Variants in HACE1 observed in about 807,000 individuals in gnomAD.
HACE1 encodes the protein HECT domain and ankyrin repeat containing E3 ubiquitin protein ligase 1, also known as E3 ubiquitin-protein ligase HACE1.
Under a neutral mutation model 118.4 loss-of-function variants are expected in HACE1, and 73 were observed. That is an observed-to-expected ratio of 0.62 (90% confidence interval 0.51 to 0.75). The LOEUF is 0.75. Among genes scored for constraint, HACE1 ranks in the 30% least tolerant of loss-of-function variants. HACE1 has a pLI of 0.00. For synonymous variants in HACE1, 368 were observed against 374.8 expected (o/e 0.98, Z 0.21); for missense variants, 749 against 1,102.2 (o/e 0.68, Z 4.54).
chr6:104,857,737 C>G (rs886151683), intron 1 of HACE1, among the ~76,000 whole-genome samples: 4 of 151,466 alleles, frequency 2.6e-5, no homozygotes, highest in Non-Finnish European at 5.9e-5. Context: ...GCGGGCAGAT[C>G]ACGAGGTCAG....
At chr6:104,762,349 C>T (rs1480637055) in intron 19 of HACE1, among the ~76,000 whole-genome samples, 2 of 152,170 alleles carry the variant, frequency 1.3e-5, no homozygotes, top group African/African-American at 2.4e-5. Flanking sequence ...CACATATACA[C>T]CATGAAATAC....
chr6:104,757,200 G>A (rs191243159), intron 19 of HACE1, among the ~76,000 whole-genome samples: 69 of 152,356 alleles, frequency 4.5e-4, no homozygotes, highest in Middle Eastern at 6.8e-3. Context: ...TGACAGCTCT[G>A]AAGAGAGCAG....
At chr6:104,781,392 T>C (rs1316180130) in intron 14 of HACE1, among the ~76,000 whole-genome samples, 1 of 152,172 alleles carries the variant, frequency 6.6e-6, no homozygotes, top group Admixed American at 6.5e-5. Context: ...ATACTTTCCC[T>C]GATCTAGCCC....
chr6:104,788,432 G>A (rs914518536), intron 11 of HACE1, among the ~76,000 whole-genome samples: 2 of 151,974 alleles, frequency 1.3e-5, no homozygotes, highest in African/African-American at 4.8e-5. Context: ...CTTACTGAAC[G>A]ATTTTTTAAA....
At position 104,850,997 on chromosome 6, in the gene HACE1, C is replaced by A; in HGVS notation, c.132-1G>T. ...ATTTGATAGTAGTTCAGAAACAGAC[C>A]TATGCCAAAATAAAAATGAGGAATC... On this transcript the variant is annotated splice_acceptor_variant, in intron 2 of 23. Transcript: ENST00000262903. LOFTEE classifies it high-confidence loss of function. 1.3e-6 allele frequency: 2 copies of A among 1,559,498 alleles called. No individual in the cohort carries two copies. Among genetic ancestry groups the A allele is most frequent in the South Asian group, 1.1e-5 (1 of 90,022 alleles).
chr6:104,741,677 A>C (rs1776719026), intron 22 of HACE1, among the ~76,000 whole-genome samples: 2 of 147,676 alleles, frequency 1.4e-5, no homozygotes, highest in Admixed American at 6.8e-5. Flanking sequence ...AAACAAATGG[A>C]AGAACATTCC....
chr6:104,770,638 G>A (rs1320261380), intron 19 of HACE1, among the ~76,000 whole-genome samples: 1 of 152,136 alleles, frequency 6.6e-6, no homozygotes, highest in Non-Finnish European at 1.5e-5. Flanking sequence ...AGAATTGCTC[G>A]AACCCAGGAG....
intron 6 of HACE1, among the ~76,000 whole-genome samples, chr6:104,816,325 G>A (rs1041563003): frequency 2.6e-5 from 4 of 152,192 alleles, no homozygotes; most frequent in Admixed American, 6.5e-5. Context: ...TTCACAGGCC[G>A]GACCCAGGGC....
chr6:104,809,708 G>C (rs1337624222), intron 7 of HACE1, among the ~76,000 whole-genome samples: 1 of 150,616 alleles, frequency 6.6e-6, no homozygotes, highest in Non-Finnish European at 1.5e-5. Flanking sequence ...GAGATTGGAG[G>C]GAAACAACAT....
intron 11 of HACE1, among the ~76,000 whole-genome samples, chr6:104,790,929 G>A (rs1271418773): frequency 1.3e-5 from 2 of 151,890 alleles, no homozygotes; most frequent in African/African-American, 2.4e-5. Flanking sequence ...AACTCCCTTG[G>A]TTTTTACATG....
At chr6:104,823,327 C>T (rs981469699) in intron 6 of HACE1, among the ~76,000 whole-genome samples, 1 of 151,466 alleles carries the variant, frequency 6.6e-6, no homozygotes, top group Non-Finnish European at 1.5e-5. Context: ...CCAGCTACTT[C>T]GGAGGCTGAC....
chr6:104,854,556 G>C (rs1052038200), intron 1 of HACE1, among the ~76,000 whole-genome samples: 1 of 149,142 alleles, frequency 6.7e-6, no homozygotes, highest in Non-Finnish European at 1.5e-5. Context: ...AGTCTTAAGA[G>C]ACACATCAAC....
At chr6:104,854,296 C>A (rs945488529) in intron 1 of HACE1, among the ~76,000 whole-genome samples, 2 of 152,108 alleles carry the variant, frequency 1.3e-5, no homozygotes, top group Non-Finnish European at 2.9e-5. Flanking sequence ...TGAATTGGAT[C>A]CGTAAATGAC....
At chr6:104,832,902 A>C in intron 6 of HACE1, 140 bp downstream of exon 6, 2 of 792,220 alleles carry the variant, frequency 2.5e-6, no homozygotes, top group Non-Finnish European at 4.2e-6. Flanking sequence ...CTGTCTCAAA[A>C]AAAAAAGTCC....
chr6:104,782,714 T>C (rs73768813), intron 14 of HACE1, among the ~76,000 whole-genome samples: 1 of 152,224 alleles, frequency 6.6e-6, no homozygotes, highest in Non-Finnish European at 1.5e-5. Context: ...TCATTATTAC[T>C]GCCTTCTCTT....
At chr6:104,822,367 A>ATGC (rs946563067) in intron 6 of HACE1, among the ~76,000 whole-genome samples, 1 of 145,080 alleles carries the variant, frequency 6.9e-6, no homozygotes, top group African/African-American at 2.6e-5. Flanking sequence ...TGGGAGGCAG[A>ATGC]GCAGGACTCC....
intron 3 of HACE1, among the ~76,000 whole-genome samples, chr6:104,850,552 A>C (rs1776102858): frequency 1.3e-5 from 2 of 152,368 alleles, no homozygotes; most frequent in South Asian, 4.1e-4. Context: ...CTATGTAAAA[A>C]ATATAAAGCC....
chr6:104,765,815 T>C (rs1779942787), intron 19 of HACE1, among the ~76,000 whole-genome samples: 1 of 152,240 alleles, frequency 6.6e-6, no homozygotes, highest in Admixed American at 6.5e-5. Context: ...GCAGTGTTAT[T>C]CTATTTTTCA....
intron 19 of HACE1, among the ~76,000 whole-genome samples, chr6:104,756,383 G>A (rs867566930): frequency 8.6e-5 from 12 of 139,536 alleles, no homozygotes; most frequent in Non-Finnish European, 1.5e-4. Context: ...CTGCACCCCA[G>A]CCTGAGTGAC....
Sources: gnomAD v4.1 joint callset for allele counts (sites outside exome capture counted in the v4.1 genomes callset) on GRCh38, gnomAD v4.1.1 for gene constraint, MANE v1.5 for transcripts, NCBI Gene and HGNC (gene_info 2026-07-23, HGNC 2026-07-21) for gene names.